PLEKHA5: variants seen among roughly 807,000 people sequenced by gnomAD.
PLEKHA5 encodes pleckstrin homology domain containing A5, also known as pleckstrin homology domain-containing family A member 5.
In PLEKHA5, 55 loss-of-function variants were observed where a neutral mutation model predicts 181.9. The observed-to-expected ratio is 0.30, with a 90% CI of 0.24 to 0.38. PLEKHA5 has a LOEUF of 0.38. Ranked by LOEUF, PLEKHA5 falls within the 10% of genes least tolerant of loss-of-function variation. PLEKHA5 has a pLI of 1.00. For missense variants in PLEKHA5, 1,432 were observed against 1,549.5 expected (o/e 0.92, Z 1.27); for synonymous variants, 535 against 529.4 (o/e 1.01, Z -0.15).
intron 31 of PLEKHA5, among the ~76,000 whole-genome samples, chr12:19,374,910 G>A (rs1368687644): frequency 6.6e-6 from 1 of 150,692 alleles, no homozygotes; most frequent in Non-Finnish European, 1.5e-5. Context: ...AACTGAGATC[G>A]TGCCACTGCA....
chr12:19,342,763 C>T (rs2094038598), intron 21 of PLEKHA5, among the ~76,000 whole-genome samples: 1 of 151,808 alleles, frequency 6.6e-6, no homozygotes, highest in Admixed American at 6.6e-5. Flanking sequence ...GGCGACAGAG[C>T]AAGACTCTGT....
chr12:19,230,852 G>C (rs1030805075), intron 3 of PLEKHA5, among the ~76,000 whole-genome samples: 2 of 152,206 alleles, frequency 1.3e-5, no homozygotes, highest in Non-Finnish European at 2.9e-5. Flanking sequence ...CAGAGTGGGC[G>C]CCGAGGCCAA....
chr12:19,263,375 T>A (rs1248449335), intron 7 of PLEKHA5, among the ~76,000 whole-genome samples: 1 of 152,180 alleles, frequency 6.6e-6, no homozygotes, highest in Non-Finnish European at 1.5e-5. Flanking sequence ...ACTCAGGCAC[T>A]CTGACTCCAG....
Position 19,375,750 on chromosome 12 carries a change from G to C in PLEKHA5, c.*231G>C, listed in dbSNP as rs1188017656. ...TCTCAAGGTTATTATTCTGACACCA[G>C]CTTGCTGCTATGATTTCAGAGCACA... On this transcript the variant is annotated 3_prime_UTR_variant, in exon 32 of 32. Coordinates refer to ENST00000429027, the MANE Select transcript of PLEKHA5 (RefSeq NM_001256470.2). 2 of 152,478 alleles carry C rather than the reference G, an allele frequency of 1.3e-5. No individual in the cohort carries two copies. The highest frequency in any genetic ancestry group is 4.8e-5 in the African/African-American group (2 of 41,400). 9.4% of individuals were successfully genotyped at this position (152,478 alleles called of 1,614,324 possible).
chr12:19,360,232 C>T (rs186509616), intron 28 of PLEKHA5, among the ~76,000 whole-genome samples: 12 of 151,562 alleles, frequency 7.9e-5, no homozygotes, highest in Admixed American at 6.6e-4. Context: ...ACTGGGGAAG[C>T]TGAGGTGGGA....
intron 3 of PLEKHA5, among the ~76,000 whole-genome samples, chr12:19,253,475 C>G (rs1722855613): frequency 1.3e-5 from 2 of 152,064 alleles, no homozygotes; most frequent in African/African-American, 2.4e-5. Context: ...AACATTTACA[C>G]ACATATACAC....
intron 6 of PLEKHA5, among the ~76,000 whole-genome samples, chr12:19,260,253 A>G (rs944916780): frequency 3.9e-5 from 6 of 152,206 alleles, no homozygotes; most frequent in Admixed American, 2.6e-4. Flanking sequence ...TTCAATTCAC[A>G]TATTTCTCTT....
At chr12:19,356,963 C>T (rs549056217) in intron 26 of PLEKHA5, among the ~76,000 whole-genome samples, 9 of 151,916 alleles carry the variant, frequency 5.9e-5, no homozygotes, top group Non-Finnish European at 1.2e-4. Flanking sequence ...CCGGCCTAAG[C>T]ATTTTCAAAT....
intron 20 of PLEKHA5, among the ~76,000 whole-genome samples, chr12:19,329,463 G>C (rs1455914660): frequency 6.6e-6 from 1 of 152,032 alleles, no homozygotes; most frequent in Non-Finnish European, 1.5e-5. Context: ...CATCTGATCC[G>C]TGCCTTTTTT....
intron 25 of PLEKHA5, among the ~76,000 whole-genome samples, chr12:19,352,996 C>T (rs912706324): frequency 1.3e-5 from 2 of 150,944 alleles, no homozygotes; most frequent in African/African-American, 2.4e-5. Flanking sequence ...CTATATTACC[C>T]AGGCTGGTCT....
chr12:19,261,032 C>T lies in PLEKHA5; in HGVS notation c.610+11C>T. 1 of 1,488,994 alleles carries T rather than the reference C, an allele frequency of 6.7e-7. No individual in the cohort carries two copies. Among genetic ancestry groups the T allele is most frequent in the South Asian group, 1.2e-5 (1 of 83,924 alleles). The allele number at this position is 1,488,994 out of a possible 1,614,324, so 92.2% of individuals were successfully genotyped here. A position where few individuals can be genotyped will look rare whatever the true frequency, so the allele number is the denominator to read the frequency against. On this transcript the variant is annotated intron_variant, in intron 7 of 31. Transcript: ENST00000429027. ...TCTTTTATTATAGAGGTAAGTTTAC[C>T]CTACTGTCTTAGTGTATTATTTTGT...
rs1402442993 is a variant in PLEKHA5 at position 19,318,303 on chromosome 12, T to A, written c.2119-1718T>A. Reference sequence around the variant, plus strand: ...TAAAAGTAGAAATACCACAAAAATCTGATTGATATGTATAATATATTTATA... The same window carrying A: ...TAAAAGTAGAAATACCACAAAAATCAGATTGATATGTATAATATATTTATA... On this transcript the variant is annotated intron_variant, in intron 16 of 31. Transcript: ENST00000429027. Among the ~76,000 whole-genome samples the A allele has an allele frequency of 4.6e-5, 7 of 152,214 alleles. 1 individual carries two copies. The highest frequency in any genetic ancestry group is 1.4e-4 in the African/African-American group (6 of 41,556).
rs540711594 is a variant in PLEKHA5, at chr12:19,352,300, G to A, written c.3020-1584G>A. 5.9e-5 allele frequency among the ~76,000 whole-genome samples: 9 copies of A among 151,388 alleles called. No individual in the cohort carries two copies. In the South Asian group the frequency reaches 1.5e-3, roughly 25 times the overall value. On this transcript the variant is annotated intron_variant, in intron 25 of 31. Transcript: ENST00000429027. ...CTCAGGAGGCTGAGGTGGGAGGATC[G>A]CTTGAGCCCAGGAGGCAGAGGTTGC...
chr12:19,142,497 G>A (rs2037677698), intron 3 of PLEKHA5, among the ~76,000 whole-genome samples: 1 of 151,634 alleles, frequency 6.6e-6, no homozygotes, highest in Non-Finnish European at 1.5e-5. Context: ...TATATAACAT[G>A]GTAAAATTAG....
chr12:19,325,354 G>T (rs1367374959), intron 20 of PLEKHA5, among the ~76,000 whole-genome samples: 1 of 152,104 alleles, frequency 6.6e-6, no homozygotes, highest in Non-Finnish European at 1.5e-5. Flanking sequence ...CTGCACTCCA[G>T]CCTGGGTGAT....
intron 11 of PLEKHA5, among the ~76,000 whole-genome samples, chr12:19,281,412 AC>A (rs1473842024): frequency 6.6e-6 from 1 of 151,814 alleles, no homozygotes; most frequent in Non-Finnish European, 1.5e-5. Context: ...CCCCATCTCT[AC>A]AAAAGTACAA....
intron 3 of PLEKHA5, among the ~76,000 whole-genome samples, chr12:19,197,585 T>G (rs2053133087): frequency 6.6e-6 from 1 of 151,990 alleles, no homozygotes; most frequent in Non-Finnish European, 1.5e-5. Flanking sequence ...AGAAGCTCCC[T>G]GAAGACAAAG....
At chr12:19,247,438 T>C (rs568068871) in intron 3 of PLEKHA5, among the ~76,000 whole-genome samples, 2 of 152,266 alleles carry the variant, frequency 1.3e-5, no homozygotes, top group Admixed American at 6.5e-5. Context: ...ATACATAAGA[T>C]TGGAAAAGGA....
intron 31 of PLEKHA5, among the ~76,000 whole-genome samples, chr12:19,374,764 G>A (rs908348701): frequency 2.6e-5 from 4 of 151,728 alleles, no homozygotes; most frequent in Non-Finnish European, 5.9e-5. Flanking sequence ...AGACCAGCCT[G>A]GGCAACACGG....
Sources: allele counts gnomAD v4.1 joint callset (sites outside exome capture counted in the v4.1 genomes callset), GRCh38; gene constraint gnomAD v4.1.1; transcripts MANE v1.5; gene names NCBI Gene and HGNC (gene_info 2026-07-23, HGNC 2026-07-21).